RPL7A: variants seen among roughly 807,000 people sequenced by gnomAD.
The protein encoded by RPL7A is large ribosomal subunit protein eL8.
For missense variants in RPL7A, 291 were observed against 338.2 expected, an observed-to-expected ratio of 0.86 and a Z score of 1.09; for synonymous variants, 158 against 128.2, an observed-to-expected ratio of 1.23 and a Z score of -1.57.
intron 2 of RPL7A, 45 bp downstream of exon 2, chr9:133,349,087 A>G: frequency 6.2e-7 from 1 of 1,606,390 alleles, no homozygotes; most frequent in Non-Finnish European, 8.5e-7. Flanking sequence ...GTTTTTCTCA[A>G]GGGAAGGTGG....
Position 133,348,997 on chromosome 9 carries a change from G to A in RPL7A, c.79G>A (p.Val27Met). 6 of 1,614,052 alleles carry A rather than the reference G, an allele frequency of 3.7e-6. No individual in the cohort carries two copies. The highest frequency in any genetic ancestry group is 3.4e-6 in the Non-Finnish European group (4 of 1,180,026). The change falls in exon 2 of 8, where the codon GTG becomes ATG. Residue 27 changes from valine to methionine, a missense_variant. Coordinates refer to ENST00000323345, the MANE Select transcript of RPL7A (RefSeq NM_000972.3). ...CGTGAAGAAGCAGGAGGCTAAGAAAGTGGTGAATCCCCTGTTTGAGAAAAG... is the reference window on the plus strand; with the variant it reads ...CGTGAAGAAGCAGGAGGCTAAGAAAATGGTGAATCCCCTGTTTGAGAAAAG... The part of the protein sequence containing the change: ...AVVKKQEAKK[V>M]VNPLFEKRPK...
In RPL7A at chr9:133,348,253, G is replaced by C. The variant is rs2129977237; in HGVS notation, c.3+7G>C. On this transcript the variant is annotated splice_region_variant and intron_variant, in intron 1 of 7. Coordinates refer to ENST00000323345, the MANE Select transcript of RPL7A (RefSeq NM_000972.3). ...CCTCCCGCCGCCCAAGATGGTGAGT[G>C]AGCTGTAGTTCCGTGGCACTATAGC... The C allele has an allele frequency of 2.5e-6, 4 of 1,614,114 alleles. No individual in the cohort carries two copies. Among genetic ancestry groups the C allele is most frequent in the Middle Eastern group, 1.6e-4 (1 of 6,062 alleles).
rs2129997995 is a variant in RPL7A, at chr9:133,351,088, C to T, written c.696+17C>T. Reference sequence around the variant, plus strand: ...TACGATGAGGTAAGAGGCAGCTTTACACCAAAATACTGTCATTCACAAATC... The same window carrying T: ...TACGATGAGGTAAGAGGCAGCTTTATACCAAAATACTGTCATTCACAAATC... On this transcript the variant is annotated intron_variant, in intron 7 of 7. Transcript: ENST00000323345. The T allele has an allele frequency of 5.0e-6, 8 of 1,610,410 alleles. No homozygotes were observed. The African/African-American group carries it at 8.0e-5, about 16-fold the overall frequency.
At chr9:133,351,220 A>C (rs144988406) in intron 7 of RPL7A, 42 bp from the exon 8 acceptor site, 2 of 1,594,574 alleles carry the variant, frequency 1.3e-6, no homozygotes, top group African/African-American at 2.7e-5. Context: ...AAAATCTCAG[A>C]AAACAGTAAG....
chr9:133,348,993 G>A lies in RPL7A; in HGVS notation c.75G>A (p.Lys25=), dbSNP rs144425262. The A allele has an allele frequency of 3.1e-6, 5 of 1,613,954 alleles. No individual in the cohort carries two copies. The African/African-American group carries it at 4.0e-5, about 13-fold the overall frequency. Reference sequence around the variant, plus strand: ...CTGTCGTGAAGAAGCAGGAGGCTAAGAAAGTGGTGAATCCCCTGTTTGAGA... The same window carrying A: ...CTGTCGTGAAGAAGCAGGAGGCTAAAAAAGTGGTGAATCCCCTGTTTGAGA... ...APAVVKKQEA[K]KVVNPLFEKR... The change falls in exon 2 of 8, where the codon AAG becomes AAA. Residue 25 remains lysine (K), a synonymous_variant. Transcript: ENST00000323345.
chr9:133,349,350 G>C (rs1432948573), intron 2 of RPL7A: 1 of 867,474 alleles, frequency 1.2e-6, no homozygotes, highest in Admixed American at 1.7e-5. Context: ...TTGGCTTCTT[G>C]TTAGATGAGG....
chr9:133,351,300 GTC>G lies in RPL7A; in HGVS notation c.737_738del (p.Ser246CysfsTer13), dbSNP rs1564345884. The stretch of plus-strand genomic sequence containing the variant: ...GGGGTGGCAATGTCCTGGGTCCTAA[GTC>G]TGTGGCTCGTATCGCCAAGCTCGAA... ...HWGGNVLGPK[S>X]VARIAKLEKA... On this transcript the variant is annotated frameshift_variant, in exon 8 of 8. Transcript: ENST00000323345. LOFTEE classifies it high-confidence loss of function. 1 of 1,614,112 alleles carries G rather than the reference GTC, an allele frequency of 6.2e-7. No homozygotes were observed. The highest frequency in any genetic ancestry group is 1.3e-5 in the African/African-American group (1 of 75,054).
chr9:133,350,430 A>G, intron 5 of RPL7A, 111 bp downstream of exon 5: 1 of 1,492,072 alleles, frequency 6.7e-7, no homozygotes, highest in South Asian at 1.1e-5. Flanking sequence ...GGCAGTACTG[A>G]CACAGATCCA....
chr9:133,351,173 G>A, intron 7 of RPL7A, 89 bp from the exon 8 acceptor site: 1 of 1,543,276 alleles, frequency 6.5e-7, no homozygotes, highest in Non-Finnish European at 8.9e-7. Flanking sequence ...GATCAGCTTG[G>A]AACAGCCAAA....
At position 133,350,600 on chromosome 9, in the gene RPL7A, G is replaced by A. The variant is rs1276322459; in HGVS notation, c.499G>A (p.Val167Ile). The change falls in exon 6 of 8, where the codon GTT (valine) becomes ATT (isoleucine). Residue 167 changes from valine to isoleucine, a missense_variant. Physicochemically the swap from Val to Ile is conservative, Grantham distance 29 (BLOSUM62 3). Coordinates refer to ENST00000323345, the MANE Select transcript of RPL7A (RefSeq NM_000972.3). ...TTCAGCTAATGCTTTCTTCCAGCTGGTTGTCTTCTTGCCTGCCCTGTGTCG... is the reference window on the plus strand; with the variant it reads ...TTCAGCTAATGCTTTCTTCCAGCTGATTGTCTTCTTGCCTGCCCTGTGTCG... ...IAHDVDPIEL[V>I]VFLPALCRKM... is the part of the protein sequence containing the mutation. 1 of 1,613,980 alleles carries A rather than the reference G, an allele frequency of 6.2e-7. No homozygotes were observed. Among genetic ancestry groups the A allele is most frequent in the Non-Finnish European group, 8.5e-7 (1 of 1,179,888 alleles).
chr9:133,350,761 A>G (rs1225238227), intron 6 of RPL7A, 34 bp downstream of exon 6: 1 of 1,608,316 alleles, frequency 6.2e-7, no homozygotes, highest in Non-Finnish European at 8.5e-7. Flanking sequence ...ACTTCCCCCC[A>G]GTTCATTTAA....
In RPL7A at chr9:133,348,258, G is replaced by A. The variant is rs201228304; in HGVS notation, c.3+12G>A. On this transcript the variant is annotated intron_variant, in intron 1 of 7. Transcript: ENST00000323345. ...CGCCGCCCAAGATGGTGAGTGAGCT[G>A]TAGTTCCGTGGCACTATAGCCAGGT... 1.5e-5 allele frequency: 24 copies of A among 1,614,126 alleles called. No homozygotes were observed. In the Admixed American group the frequency reaches 3.7e-4, roughly 25 times the overall value.
Position 133,349,590 on chromosome 9 carries a change from T to C in RPL7A, c.164T>C (p.Val55Ala), listed in dbSNP as rs2129987340. ...IQPKRDLTRF[V>A]KWPRYIRLQR... ...CCCAAAAGAGACCTCACCCGCTTTG[T>C]GAAATGGCCCCGCTATATCAGGTTG... The change falls in exon 3 of 8, where the codon GTG (valine) becomes GCG (alanine). Residue 55 changes from valine (V) to alanine (A), a missense_variant. Val to Ala is a moderately conservative substitution (Grantham distance 64). Transcript: ENST00000323345. 6.2e-7 allele frequency: 1 copy of C among 1,614,072 alleles called. No individual in the cohort carries two copies.
At chr9:133,350,439 C>T in intron 5 of RPL7A, 120 bp downstream of exon 5, 1 of 1,491,164 alleles carries the variant, frequency 6.7e-7, no homozygotes, top group Non-Finnish European at 9.4e-7. Context: ...GACACAGATC[C>T]AACACATGCG....
At chr9:133,349,153 C>T in intron 2 of RPL7A, 111 bp downstream of exon 2, 1 of 1,307,080 alleles carries the variant, frequency 7.7e-7, no homozygotes, top group Non-Finnish European at 1.1e-6. Flanking sequence ...GGTCGCAGTC[C>T]TTAATTTGTG....
intron 3 of RPL7A, 95 bp downstream of exon 3, chr9:133,349,795 A>G: frequency 1.3e-6 from 2 of 1,580,870 alleles, no homozygotes; most frequent in East Asian, 2.2e-5. Context: ...CTTGAACTGC[A>G]GTTGTCATTA....
intron 3 of RPL7A, 61 bp downstream of exon 3, chr9:133,349,761 C>A: frequency 6.2e-6 from 10 of 1,603,224 alleles, no homozygotes; most frequent in Non-Finnish European, 8.5e-6. Context: ...TCATCCAGAA[C>A]ATGAGGGGGA....
chr9:133,348,388 G>A, intron 1 of RPL7A, 142 bp downstream of exon 1: 1 of 1,214,818 alleles, frequency 8.2e-7, no homozygotes, highest in Non-Finnish European at 1.2e-6. Context: ...GAGACACCGA[G>A]GTGGATTAGA....
intron 5 of RPL7A, 120 bp downstream of exon 5, chr9:133,350,439 C>G (rs1013486638): frequency 6.7e-7 from 1 of 1,491,164 alleles, no homozygotes. Flanking sequence ...GACACAGATC[C>G]AACACATGCG....
Sources: allele counts gnomAD v4.1 joint callset, GRCh38; gene constraint gnomAD v4.1.1; transcripts MANE v1.5; gene names NCBI Gene and HGNC (gene_info 2026-07-23, HGNC 2026-07-21).